GLS: variants seen among roughly 807,000 people sequenced by gnomAD.
GLS encodes glutaminase kidney isoform, mitochondrial.
Under a neutral mutation model 86.7 loss-of-function variants are expected in GLS, and 36 were observed. That is an observed-to-expected ratio of 0.42 (90% CI 0.32 to 0.55). The LOEUF (loss-of-function observed/expected upper bound fraction) is 0.55, where lower values mean the gene tolerates loss of function less well. GLS is among the 20% of genes least tolerant of loss of function. GLS has a pLI of 0.17. For missense variants in GLS, 528 were observed against 833.4 expected (o/e 0.63, Z 4.51); for synonymous variants, 317 against 305.9 (o/e 1.04, Z -0.38).
intron 7 of GLS, among the ~76,000 whole-genome samples, chr2:190,919,167 A>C (rs1033063385): frequency 6.6e-6 from 1 of 152,302 alleles, no homozygotes; most frequent in African/African-American, 2.4e-5. Flanking sequence ...GAAGCTCAAT[A>C]AAATGAGGTG....
chr2:190,931,153 C>G (rs1690095426), intron 13 of GLS, among the ~76,000 whole-genome samples: 1 of 152,042 alleles, frequency 6.6e-6, no homozygotes. Flanking sequence ...ATTTTCCAGT[C>G]TTTTATATTT....
chr2:190,907,694 T>C (rs1689208580), intron 6 of GLS, among the ~76,000 whole-genome samples: 1 of 152,216 alleles, frequency 6.6e-6, no homozygotes, highest in Non-Finnish European at 1.5e-5. Context: ...AGGGAAGTCT[T>C]TTTCTACCTT....
intron 12 of GLS, among the ~76,000 whole-genome samples, chr2:190,928,094 G>T (rs1463359818): frequency 1.3e-5 from 2 of 151,882 alleles, no homozygotes; most frequent in African/African-American, 4.8e-5. Flanking sequence ...CATTAATTAT[G>T]AATACATTAC....
At chr2:190,948,338 T>A (rs1690630367) in intron 14 of GLS, among the ~76,000 whole-genome samples, 1 of 152,080 alleles carries the variant, frequency 6.6e-6, no homozygotes, top group South Asian at 2.1e-4. Context: ...GTTTCCTGAT[T>A]TTTTTTTCTC....
rs1440441342 is a variant in GLS at position 190,930,878 on chromosome 2, A to G, written c.1557+310A>G. On this transcript the variant is annotated intron_variant, in intron 13 of 17. Coordinates refer to ENST00000320717, the MANE Select transcript of GLS (RefSeq NM_014905.5). This position sits in a 1 kb window ranked among gnomAD's most constrained non-coding sequence, Gnocchi z 5.0. ...TTGGAGAAGTAATTTAAAAGCCAGT[A>G]TATCTTAAGAATTATTTTGGTTTAT... Among the ~76,000 whole-genome samples, 1 of 152,254 alleles carries G rather than the reference A, an allele frequency of 6.6e-6. No homozygotes were observed. The highest frequency in any genetic ancestry group is 1.5e-5 in the Non-Finnish European group (1 of 68,042).
chr2:190,928,352 T>G (rs1689970073), intron 12 of GLS, among the ~76,000 whole-genome samples: 2 of 151,252 alleles, frequency 1.3e-5, no homozygotes, highest in African/African-American at 2.4e-5. Context: ...TTTTTTTTTT[T>G]GAGACGGAGT....
intron 14 of GLS, chr2:190,934,981 C>T (rs1367709384): frequency 1.0e-6 from 1 of 961,412 alleles, no homozygotes; most frequent in Non-Finnish European, 1.2e-6. Flanking sequence ...AAACAAAGTT[C>T]TTGATAGTAC....
intron 7 of GLS, among the ~76,000 whole-genome samples, chr2:190,918,045 T>A (rs1689601419): frequency 6.6e-6 from 1 of 152,134 alleles, no homozygotes; most frequent in South Asian, 2.1e-4. Context: ...CAGGGTAGAT[T>A]TAGCATAATT....
intron 14 of GLS, among the ~76,000 whole-genome samples, chr2:190,937,430 A>G (rs541963725): frequency 3.3e-5 from 5 of 151,480 alleles, no homozygotes; most frequent in African/African-American, 1.2e-4. Context: ...TATTTATCCA[A>G]CATGAAACAG....
chr2:190,906,787 A>G (rs1689152321), intron 6 of GLS, among the ~76,000 whole-genome samples: 1 of 152,112 alleles, frequency 6.6e-6, no homozygotes. Context: ...GAAACCATAC[A>G]CTTTTTGTGT....
intron 11 of GLS, among the ~76,000 whole-genome samples, chr2:190,926,012 G>T (rs1689884217): frequency 6.6e-6 from 1 of 152,020 alleles, no homozygotes; most frequent in Admixed American, 6.6e-5. Flanking sequence ...AAATTTGGCT[G>T]TTATAGAATC....
chr2:190,882,688 T>C (rs1688242832), intron 1 of GLS, among the ~76,000 whole-genome samples: 1 of 152,186 alleles, frequency 6.6e-6, no homozygotes, highest in South Asian at 2.1e-4. Flanking sequence ...CTGAAAAAGA[T>C]TATTTGAAAA....
At position 190,965,218 on chromosome 2, in the gene GLS, C is replaced by T. The variant is rs1691094721; in HGVS notation, c.*2232C>T. ...TCTATATGATCATGTTAATTTAAAG[C>T]TTTATACACATTGTTGTTTTTGCTG... On this transcript the variant is annotated 3_prime_UTR_variant, in exon 18 of 18. Transcript: ENST00000320717. The surrounding 1 kb of genome is among the most constrained non-coding windows in gnomAD (Gnocchi z 5.0). 6.6e-6 allele frequency: 1 copy of T among 152,548 alleles called. No homozygotes were observed. Among genetic ancestry groups the T allele is most frequent in the Non-Finnish European group, 1.5e-5 (1 of 68,026 alleles). 9.4% of individuals were successfully genotyped at this position (152,548 alleles called of 1,614,324 possible).
In GLS at chr2:190,900,570, T is replaced by G; in HGVS notation, c.612T>G (p.Val204=). Residue 204 remains valine, a synonymous_variant, in exon 4 of 18, where the codon GTT becomes GTG. Coordinates refer to ENST00000320717, the MANE Select transcript of GLS (RefSeq NM_014905.5). The part of the protein sequence containing the change: ...MLDKDLFKKC[V]QSNIVLLTQA... ...ATCTTTTTACATTCTACAGATGTGT[T>G]CAGAGCAACATTGTTTTGTTGACAC... 6.3e-7 allele frequency: 1 copy of G among 1,596,734 alleles called. No individual in the cohort carries two copies. Among genetic ancestry groups the G allele is most frequent in the Non-Finnish European group, 8.6e-7 (1 of 1,166,350 alleles).
chr2:190,964,236 G>A lies in GLS; in HGVS notation c.*1250G>A, dbSNP rs1185607044. ...TGGGTAAAAGGGGCTTCAAAAAACG[G>A]ATAGAACAGGATTTTCTAGGAGTTA... is the stretch of plus-strand genomic sequence containing the variant. On this transcript the variant is annotated 3_prime_UTR_variant, in exon 18 of 18. Coordinates refer to ENST00000320717, the MANE Select transcript of GLS (RefSeq NM_014905.5). The surrounding 1 kb of genome is among the most constrained non-coding windows in gnomAD (Gnocchi z 5.2). 2 of 152,040 alleles carry A rather than the reference G, an allele frequency of 1.3e-5. No individual in the cohort carries two copies. Among genetic ancestry groups the A allele is most frequent in the East Asian group, 3.9e-4 (2 of 5,194 alleles). 9.4% of individuals were successfully genotyped at this position (152,040 alleles called of 1,614,324 possible).
intron 7 of GLS, among the ~76,000 whole-genome samples, chr2:190,918,693 G>T (rs1434966912): frequency 6.6e-6 from 1 of 152,054 alleles, no homozygotes; most frequent in East Asian, 1.9e-4. Flanking sequence ...GGTCTGTTTT[G>T]GCTTTCAACA....
At chr2:190,893,656 G>C (rs754413516) in intron 1 of GLS, among the ~76,000 whole-genome samples, 1 of 152,154 alleles carries the variant, frequency 6.6e-6, no homozygotes. Context: ...CACGATCTTG[G>C]CTCACTGCAA....
chr2:190,894,109 A>G (rs1047474117), intron 1 of GLS, among the ~76,000 whole-genome samples: 1 of 152,118 alleles, frequency 6.6e-6, no homozygotes, highest in Non-Finnish European at 1.5e-5. Flanking sequence ...TTTTTCTTTT[A>G]ATAGTCTTTA....
Position 190,920,225 on chromosome 2 carries a change from TA to T in GLS, c.1039-798del, listed in dbSNP as rs1197334791. 6.6e-6 allele frequency: 1 copy of T among 151,990 alleles called. No homozygotes were observed. Among genetic ancestry groups the T allele is most frequent in the Non-Finnish European group, 1.5e-5 (1 of 67,826 alleles). 9.4% of individuals were successfully genotyped at this position (151,990 alleles called of 1,614,324 possible). A position where few individuals can be genotyped will look rare whatever the true frequency, so the allele number is the denominator to read the frequency against. ...TACGTTTGATTTCAGATCTACAACTTACTGCTTTGTAAACTTCGCCGAGGTA... is the reference window on the plus strand; with the variant it reads ...TACGTTTGATTTCAGATCTACAACTTCTGCTTTGTAAACTTCGCCGAGGTA... On this transcript the variant is annotated intron_variant, in intron 7 of 17. Transcript: ENST00000320717. The surrounding 1 kb of genome is among the most constrained non-coding windows in gnomAD (Gnocchi z 4.2).
Sources: gnomAD v4.1 joint callset for allele counts (sites outside exome capture counted in the v4.1 genomes callset) on GRCh38, gnomAD v4.1.1 for gene constraint, Gnocchi (gnomAD v3.1) non-coding constraint, MANE v1.5 for transcripts, NCBI Gene and HGNC (gene_info 2026-07-23, HGNC 2026-07-21) for gene names.